The following TCERG1 variants were observed in gnomAD, a reference collection of about 807,000 sequenced individuals.
TCERG1 encodes the protein TATA box binding protein (TBP)-associated factor, RNA polymerase II, S, 150kD.
In TCERG1, 37 loss-of-function variants were observed where a neutral mutation model predicts 144.7. The ratio of observed to expected loss-of-function variants is 0.26; its 90% CI spans 0.20 to 0.34. The LOEUF is 0.34. TCERG1 is among the 10% of genes least tolerant of loss of function. The pLI is 1.00. For synonymous variants in TCERG1, 492 were observed against 458.2 expected, an observed-to-expected ratio of 1.07 and a Z score of -0.94; for missense variants, 1,027 against 1,380.7, an observed-to-expected ratio of 0.74 and a Z score of 4.06.
intron 19 of TCERG1, 44 bp from the exon 20 acceptor site, chr5:146,506,984 A>C: frequency 3.4e-6 from 5 of 1,467,734 alleles, no homozygotes; most frequent in Non-Finnish European, 4.5e-6. Flanking sequence ...ATGGACATTC[A>C]GATAAGTCTC....
At chr5:146,492,776 T>G in intron 15 of TCERG1, 144 bp from the exon 16 acceptor site, 4 of 544,502 alleles carry the variant, frequency 7.3e-6, no homozygotes, top group Non-Finnish European at 1.3e-5. Flanking sequence ...AAAGTGAAAC[T>G]TGGTATAGAT....
intron 5 of TCERG1, among the ~76,000 whole-genome samples, chr5:146,466,877 T>C (rs1017006164): frequency 6.6e-6 from 1 of 152,200 alleles, no homozygotes; most frequent in African/African-American, 2.4e-5. Flanking sequence ...GAGAACAGTC[T>C]TTGAGAGTAA....
chr5:146,493,095 T>A, intron 16 of TCERG1, 57 bp downstream of exon 16: 1 of 1,223,224 alleles, frequency 8.2e-7, no homozygotes, highest in Non-Finnish European at 1.1e-6. Flanking sequence ...CTAAGATCAG[T>A]TTTTAAAAAT....
intron 22 of TCERG1, among the ~76,000 whole-genome samples, chr5:146,509,476 A>G (rs1246031241): frequency 6.7e-6 from 1 of 149,430 alleles, no homozygotes; most frequent in African/African-American, 2.5e-5. Context: ...CCACCCATCC[A>G]GTTTTGAATA....
At chr5:146,457,512 G>A (rs1209937960) in intron 3 of TCERG1, among the ~76,000 whole-genome samples, 177 bp downstream of exon 3, 2 of 152,230 alleles carry the variant, frequency 1.3e-5, no homozygotes, top group African/African-American at 4.8e-5. Context: ...GCAGATATAA[G>A]GTTGCCTGGA....
At chr5:146,490,369 A>T (rs1330752109) in intron 15 of TCERG1, among the ~76,000 whole-genome samples, 1 of 152,200 alleles carries the variant, frequency 6.6e-6, no homozygotes, top group Non-Finnish European at 1.5e-5. Flanking sequence ...GCTGTTCCCT[A>T]CATAGTAAGT....
In TCERG1 at chr5:146,447,386, C is replaced by A. The variant is rs79408814; in HGVS notation, c.37C>A (p.Arg13=). ...TGGCGGGGACGGGGGCGAGAGTGAA[C>A]GATTCAACCCGGGGGAGCTCAGGTA... is the stretch of plus-strand genomic sequence containing the variant. ...ERGGDGGESE[R]FNPGELRMAQ... Residue 13 remains arginine (R), a synonymous_variant, in exon 1 of 23, where the codon CGA becomes AGA. Transcript: ENST00000679501. 475 of 1,611,484 alleles carry A rather than the reference C, an allele frequency of 2.9e-4. 2 individuals are homozygous for A. The African/African-American group carries it at 5.9e-3, about 20-fold the overall frequency.
intron 17 of TCERG1, 40 bp from the exon 18 acceptor site, chr5:146,503,335 T>G: frequency 6.3e-7 from 1 of 1,586,938 alleles, no homozygotes; most frequent in Non-Finnish European, 8.6e-7. Flanking sequence ...TCATGGTACA[T>G]TATTTTCCCT....
At chr5:146,498,457 G>GA in intron 16 of TCERG1, 79 bp from the exon 17 acceptor site, 1 of 1,455,926 alleles carries the variant, frequency 6.9e-7, no homozygotes, top group East Asian at 2.3e-5. Context: ...ACTCTTGTTG[G>GA]AAAAATGGTA....
At chr5:146,496,170 C>T (rs7703117) in intron 16 of TCERG1, among the ~76,000 whole-genome samples, 91 of 152,266 alleles carry the variant, frequency 6.0e-4, no homozygotes, top group African/African-American at 2.1e-3. Context: ...CTTTATAATG[C>T]CTTTTATTTA....
At chr5:146,497,024 C>G (rs1766983915) in intron 16 of TCERG1, among the ~76,000 whole-genome samples, 1 of 151,632 alleles carries the variant, frequency 6.6e-6, no homozygotes, top group Non-Finnish European at 1.5e-5. Flanking sequence ...CCTGCCACTA[C>G]TCCCAGCTAA....
At chr5:146,449,409 A>G (rs1762169091) in intron 1 of TCERG1, among the ~76,000 whole-genome samples, 1 of 152,240 alleles carries the variant, frequency 6.6e-6, no homozygotes, top group Non-Finnish European at 1.5e-5. Flanking sequence ...TAAATTGTAA[A>G]TGAAATCAAC....
At chr5:146,504,871 A>AC (rs1767804079) in intron 19 of TCERG1, among the ~76,000 whole-genome samples, 1 of 152,120 alleles carries the variant, frequency 6.6e-6, no homozygotes, top group African/African-American at 2.4e-5. Context: ...ACATGGCGAA[A>AC]CCCCGTCTCT....
At position 146,507,381 on chromosome 5, in the gene TCERG1, G is replaced by A. The variant is rs576238343; in HGVS notation, c.2961+174G>A. On this transcript the variant is annotated intron_variant, in intron 20 of 22. Coordinates refer to ENST00000679501, the MANE Select transcript of TCERG1 (RefSeq NM_001382548.1). The surrounding 1 kb of genome is among the most constrained non-coding windows in gnomAD (Gnocchi z 4.6). ...ATGGTATTCTTATTTATTTAGAAAT[G>A]CCTATTCTTTGCAGTTTTCACATTC... 6.8e-5 allele frequency: 41 copies of A among 604,970 alleles called. No individual in the cohort carries two copies. The East Asian group carries it at 1.2e-3, about 18-fold the overall frequency. 37.5% of individuals were successfully genotyped at this position (604,970 alleles called of 1,614,324 possible). A position where few individuals can be genotyped will look rare whatever the true frequency, so the allele number is the denominator to read the frequency against.
chr5:146,503,614 G>T (rs1767681559), intron 18 of TCERG1, 75 bp downstream of exon 18: 2 of 1,528,032 alleles, frequency 1.3e-6, no homozygotes, highest in Non-Finnish European at 1.8e-6. Context: ...TGTTGTTGTT[G>T]GGGATTTTTC....
At chr5:146,497,196 A>G (rs540021840) in intron 16 of TCERG1, among the ~76,000 whole-genome samples, 1 of 151,566 alleles carries the variant, frequency 6.6e-6, no homozygotes, top group African/African-American at 2.4e-5. Context: ...TTTTTGATTC[A>G]AGGCCTTGCT....
chr5:146,476,525 T>C (rs905824837), intron 9 of TCERG1, among the ~76,000 whole-genome samples: 16 of 152,192 alleles, frequency 1.1e-4, no homozygotes, highest in African/African-American at 3.9e-4. Context: ...TATATAATTA[T>C]TCCACTGACT....
chr5:146,484,534 A>C, intron 15 of TCERG1, among the ~76,000 whole-genome samples: 1 of 152,142 alleles, frequency 6.6e-6, no homozygotes. Flanking sequence ...ATGTAGGTCT[A>C]ATCATGGACT....
At chr5:146,466,766 A>T (rs761021321) in intron 5 of TCERG1, among the ~76,000 whole-genome samples, 1 of 152,210 alleles carries the variant, frequency 6.6e-6, no homozygotes, top group Non-Finnish European at 1.5e-5. Flanking sequence ...CTGCGAGCCC[A>T]ACTGATTTTT....
Sources: gnomAD v4.1 joint callset for allele counts (sites outside exome capture counted in the v4.1 genomes callset) on GRCh38, gnomAD v4.1.1 for gene constraint, Gnocchi (gnomAD v3.1) non-coding constraint, MANE v1.5 for transcripts, NCBI Gene and HGNC (gene_info 2026-07-23, HGNC 2026-07-21) for gene names.